Variants in CHRNA9 observed in about 807,000 individuals in gnomAD.
CHRNA9 encodes the protein cholinergic receptor nicotinic alpha 9 subunit.
CHRNA9 carries 24 observed loss-of-function variants against 36.8 expected under a neutral mutation model. The ratio of observed to expected loss-of-function variants is 0.65; its 90% CI spans 0.47 to 0.92. The LOEUF (loss-of-function observed/expected upper bound fraction) is 0.92, where lower values mean the gene tolerates loss of function less well. CHRNA9 is among the 40% of genes least tolerant of loss of function. CHRNA9 has a pLI of 0.00. For missense variants in CHRNA9, 610 were observed against 601.2 expected (o/e 1.01, Z -0.15); for synonymous variants, 231 against 231.8 (o/e 1.00, Z 0.03).
In CHRNA9 at chr4:40,335,455, G is replaced by A. The variant is rs373175548; in HGVS notation, c.-13G>A. 11 of 1,605,174 alleles carry A rather than the reference G, an allele frequency of 6.9e-6. 1 individual carries two copies. Among genetic ancestry groups the A allele is most frequent in the East Asian group, 4.5e-5 (2 of 44,844 alleles). On this transcript the variant is annotated 5_prime_UTR_variant, in exon 1 of 5. Coordinates refer to ENST00000310169, the MANE Select transcript of CHRNA9 (RefSeq NM_017581.4). ...GCCTGACTGAGACTTTATTATAGAG[G>A]CTCAGGAAAAAGATGAACTGGTCCC...
At chr4:40,342,384 T>C (rs1458133046) in intron 3 of CHRNA9, among the ~76,000 whole-genome samples, 1 of 152,120 alleles carries the variant, frequency 6.6e-6, no homozygotes, top group Non-Finnish European at 1.5e-5. Flanking sequence ...CTAATAGAGA[T>C]GCCAAAAGCC....
intron 2 of CHRNA9, among the ~76,000 whole-genome samples, chr4:40,336,379 T>G (rs1272097720): frequency 6.6e-6 from 1 of 152,122 alleles, no homozygotes; most frequent in Admixed American, 6.6e-5. Flanking sequence ...TGATCTTGAA[T>G]TAGGCAGTGG....
At chr4:40,350,313 A>G (rs899630246) in intron 4 of CHRNA9, among the ~76,000 whole-genome samples, 5 of 152,182 alleles carry the variant, frequency 3.3e-5, no homozygotes, top group African/African-American at 1.2e-4. Context: ...ATAATGAAAT[A>G]TCCCTCCAAG....
At chr4:40,342,911 G>T (rs554686624) in intron 3 of CHRNA9, among the ~76,000 whole-genome samples, 1 of 152,288 alleles carries the variant, frequency 6.6e-6, no homozygotes, top group East Asian at 1.9e-4. Context: ...GACCAGAAGG[G>T]AAGTTAGCCA....
intron 3 of CHRNA9, among the ~76,000 whole-genome samples, chr4:40,340,623 C>T (rs1712472083): frequency 6.6e-6 from 1 of 152,050 alleles, no homozygotes; most frequent in Non-Finnish European, 1.5e-5. Flanking sequence ...CAATGGGCTT[C>T]CTGAGTTGTG....
intron 3 of CHRNA9, among the ~76,000 whole-genome samples, chr4:40,342,241 C>T (rs897877418): frequency 2.6e-5 from 4 of 151,872 alleles, no homozygotes; most frequent in African/African-American, 4.8e-5. Flanking sequence ...TAAAGGAGGG[C>T]GAGGAGAAAC....
At chr4:40,336,861 T>C (rs372412934) in intron 2 of CHRNA9, among the ~76,000 whole-genome samples, 1 of 152,246 alleles carries the variant, frequency 6.6e-6, no homozygotes, top group East Asian at 1.9e-4. Context: ...CACAATGTTA[T>C]GAAACTTGAA....
At chr4:40,336,800 G>A (rs1390564584) in intron 2 of CHRNA9, among the ~76,000 whole-genome samples, 1 of 152,124 alleles carries the variant, frequency 6.6e-6, no homozygotes, top group Non-Finnish European at 1.5e-5. Context: ...TTTTAAAAAA[G>A]GTAGTGTTTT....
At position 40,335,414 on chromosome 4, in the gene CHRNA9, A is replaced by T. The variant is rs1315741146; in HGVS notation, c.-54A>T. On this transcript the variant is annotated 5_prime_UTR_variant, in exon 1 of 5. In the 5' UTR this introduces an upstream ATG that the reference lacks. Transcript: ENST00000310169. ...CAGATCCTTTGTATTCATAGGGGGA[A>T]GTGGAAGACCACGCTGCCTGACTGA... is the stretch of plus-strand genomic sequence containing the variant. 7.6e-7 allele frequency: 1 copy of T among 1,311,744 alleles called. No homozygotes were observed. The highest frequency in any genetic ancestry group is 1.4e-5 in the African/African-American group (1 of 69,324). 81.3% of individuals were successfully genotyped at this position (1,311,744 alleles called of 1,614,324 possible). A position where few individuals can be genotyped will look rare whatever the true frequency, so the allele number is the denominator to read the frequency against.
chr4:40,337,197 A>T lies in CHRNA9; in HGVS notation c.211-13A>T, dbSNP rs777802615. 24 of 1,613,110 alleles carry T rather than the reference A, an allele frequency of 1.5e-5. No homozygotes were observed. On this transcript the variant is annotated splice_polypyrimidine_tract_variant and intron_variant, in intron 2 of 4. Transcript: ENST00000310169. ...GTCTGCTAGGTAAAGCGACATCTGG[A>T]TTCATTGTGTAGGATGAAAGAAACC...
In CHRNA9 at chr4:40,354,898, A is replaced by T. The variant is rs2109692471; in HGVS notation, c.*378A>T. On this transcript the variant is annotated 3_prime_UTR_variant, in exon 5 of 5. Coordinates refer to ENST00000310169, the MANE Select transcript of CHRNA9 (RefSeq NM_017581.4). ...CTCATTTTCCCCTTAGTTCCCATTA[A>T]AATATGCATTTGAAAAATGAAATAG... The T allele has an allele frequency of 5.8e-6, 1 of 173,352 alleles. No individual in the cohort carries two copies. The highest frequency in any genetic ancestry group is 1.4e-4 in the South Asian group (1 of 7,090). The allele number at this position is 173,352 out of a possible 1,614,324, so 10.7% of individuals were successfully genotyped here.
At chr4:40,343,122 A>G (rs1485883044) in intron 3 of CHRNA9, among the ~76,000 whole-genome samples, 1 of 152,168 alleles carries the variant, frequency 6.6e-6, no homozygotes, top group African/African-American at 2.4e-5. Flanking sequence ...GCTCCTCTCC[A>G]GTTCCCAGGA....
intron 2 of CHRNA9, among the ~76,000 whole-genome samples, chr4:40,336,277 C>A (rs371113273): frequency 6.6e-6 from 1 of 152,124 alleles, no homozygotes; most frequent in African/African-American, 2.4e-5. Context: ...AGACAGAAAA[C>A]GGCATAGAGG....
intron 3 of CHRNA9, chr4:40,348,102 T>C (rs1712685025): frequency 6.6e-6 from 1 of 152,270 alleles, no homozygotes; most frequent in Non-Finnish European, 1.5e-5. Flanking sequence ...GTGATGCTTT[T>C]GGTCTCTGGA....
chr4:40,342,880 A>G (rs1712536500), intron 3 of CHRNA9, among the ~76,000 whole-genome samples: 1 of 152,152 alleles, frequency 6.6e-6, no homozygotes, highest in Non-Finnish European at 1.5e-5. Flanking sequence ...TGAAGGAGGC[A>G]TGGGAGGAGA....
chr4:40,335,798 T>C (rs755476861), intron 1 of CHRNA9, 29 bp from the exon 2 acceptor site: 1 of 1,603,378 alleles, frequency 6.2e-7, no homozygotes. Context: ...ACACTCTGAA[T>C]GTTAATCCAG....
At chr4:40,341,196 GA>G (rs1712491043) in intron 3 of CHRNA9, among the ~76,000 whole-genome samples, 1 of 152,016 alleles carries the variant, frequency 6.6e-6, no homozygotes, top group African/African-American at 2.4e-5. Flanking sequence ...AAGGATTCCT[GA>G]CATTTTTAGA....
In CHRNA9 at chr4:40,354,393, A is replaced by G. The variant is rs752100723; in HGVS notation, c.1313A>G (p.His438Arg). Residue 438 changes from histidine (H) to arginine (R), a missense_variant, in exon 5 of 5, where the codon CAC becomes CGC. Transcript: ENST00000310169. The stretch of plus-strand genomic sequence containing the variant: ...TACATCGCCAAGTGCCTCAAAGACC[A>G]CAAGGCCACCAATTCCAAGGGGAGT... ...IEYIAKCLKDHKATNSKGSEW... is the reference protein window; with the variant it reads ...IEYIAKCLKDRKATNSKGSEW... The G allele has an allele frequency of 1.2e-5, 20 of 1,614,172 alleles. No individual in the cohort carries two copies. Among genetic ancestry groups the G allele is most frequent in the Admixed American group, 6.7e-5 (4 of 60,032 alleles).
Position 40,354,677 on chromosome 4 carries a change from C to A in CHRNA9, c.*157C>A. The A allele has an allele frequency of 1.5e-6, 1 of 675,796 alleles. No individual in the cohort carries two copies. Among genetic ancestry groups the A allele is most frequent in the Non-Finnish European group, 2.5e-6 (1 of 403,678 alleles). 41.9% of individuals were successfully genotyped at this position (675,796 alleles called of 1,614,324 possible). A position where few individuals can be genotyped will look rare whatever the true frequency, so the allele number is the denominator to read the frequency against. On this transcript the variant is annotated 3_prime_UTR_variant, in exon 5 of 5. Transcript: ENST00000310169. ...CAAATGAATGTCGAAGCTATCTGCT[C>A]TGTTAAATTAAGCAGAAGAACCAAA...
Sources: gnomAD v4.1 joint callset for allele counts (sites outside exome capture counted in the v4.1 genomes callset) on GRCh38, gnomAD v4.1.1 for gene constraint, MANE v1.5 for transcripts, NCBI Gene and HGNC (gene_info 2026-07-23, HGNC 2026-07-21) for gene names.